The following TGM6 variants were observed in gnomAD, a reference collection of about 807,000 sequenced individuals.
TGM6 encodes the protein transglutaminase 6, also known as protein-glutamine gamma-glutamyltransferase 6.
A neutral mutation model predicts 77.5 loss-of-function variants in TGM6; 74 were observed. The ratio of observed to expected loss-of-function variants is 0.96; its 90% CI spans 0.79 to 1.16. The LOEUF (loss-of-function observed/expected upper bound fraction) is 1.16. Ranked by LOEUF, TGM6 falls within the 50% of genes most tolerant of loss-of-function variation. The pLI is 0.00. For missense variants in TGM6, 968 were observed against 940.2 expected (o/e 1.03, Z -0.39); for synonymous variants, 383 against 378.9 (o/e 1.01, Z -0.12).
chr20:2,414,939 G>C (rs928131970), intron 9 of TGM6, among the ~76,000 whole-genome samples: 1 of 140,764 alleles, frequency 7.1e-6, no homozygotes, highest in Non-Finnish European at 1.5e-5. Context: ...GAATTTGGGG[G>C]GGGGGGTGAA....
At position 2,404,789 on chromosome 20, in the gene TGM6, C is replaced by T. The variant is rs187755830; in HGVS notation, c.1336+966C>T. On this transcript the variant is annotated intron_variant, in intron 9 of 12. Transcript: ENST00000202625. ...CCAAGTAGCTGGGATTACAGGTGCCCGCCACCATGCCCAGCTAATTTTTGT... is the reference window on the plus strand; with the variant it reads ...CCAAGTAGCTGGGATTACAGGTGCCTGCCACCATGCCCAGCTAATTTTTGT... Among the ~76,000 whole-genome samples, 56 of 152,054 alleles carry T rather than the reference C, an allele frequency of 3.7e-4. No homozygotes were observed. The East Asian group carries it at 7.9e-3, about 21-fold the overall frequency.
intron 1 of TGM6, among the ~76,000 whole-genome samples, chr20:2,385,034 C>T (rs1048188439): frequency 1.3e-5 from 2 of 152,192 alleles, no homozygotes; most frequent in African/African-American, 2.4e-5. Context: ...TCTCCCATCC[C>T]CTCCATTGGG....
chr20:2,404,412 A>G (rs2084735931), intron 9 of TGM6, among the ~76,000 whole-genome samples: 2 of 152,210 alleles, frequency 1.3e-5, no homozygotes, highest in South Asian at 4.1e-4. Flanking sequence ...TAGCAATGTT[A>G]TGATCTGATT....
At chr20:2,417,594 T>C in intron 10 of TGM6, 21 bp downstream of exon 10, 1 of 1,586,918 alleles carries the variant, frequency 6.3e-7, no homozygotes, top group Non-Finnish European at 8.5e-7. Flanking sequence ...GCTGGCTTGG[T>C]GGAATCAGGC....
chr20:2,417,457 C>T lies in TGM6; in HGVS notation c.1562C>T (p.Thr521Ile). Residue 521 changes from threonine (T) to isoleucine (I), a missense_variant, in exon 10 of 13, where the codon ACC (threonine) becomes ATC (isoleucine). Physicochemically the swap from Thr to Ile is moderately conservative, Grantham distance 89. Coordinates refer to ENST00000202625, the MANE Select transcript of TGM6 (RefSeq NM_198994.3). ...LRLALCLANLTSRAQRVRVNL... is the reference protein window; with the variant it reads ...LRLALCLANLISRAQRVRVNL... The stretch of plus-strand genomic sequence containing the variant: ...CTGGCCCTGTGCTTGGCCAACCTCA[C>T]CTCCCGGGCCCAGCGGGTGAGGGTC... 3 of 1,611,376 alleles carry T rather than the reference C, an allele frequency of 1.9e-6. No homozygotes were observed. The highest frequency in any genetic ancestry group is 2.5e-6 in the Non-Finnish European group (3 of 1,179,956).
At chr20:2,413,132 C>A (rs1489727286) in intron 9 of TGM6, among the ~76,000 whole-genome samples, 2 of 152,182 alleles carry the variant, frequency 1.3e-5, no homozygotes, top group Non-Finnish European at 2.9e-5. Flanking sequence ...TTACTACAGC[C>A]AGGCATGGTG....
intron 1 of TGM6, among the ~76,000 whole-genome samples, chr20:2,383,251 G>C (rs566155778): frequency 6.6e-6 from 1 of 152,382 alleles, no homozygotes; most frequent in East Asian, 1.9e-4. Context: ...GGCTTCAACA[G>C]AGTTTCCAGG....
intron 7 of TGM6, among the ~76,000 whole-genome samples, chr20:2,402,224 A>G (rs2084715371): frequency 6.6e-6 from 1 of 152,182 alleles, no homozygotes; most frequent in Non-Finnish European, 1.5e-5. Flanking sequence ...CCTAGGTGAC[A>G]GAGCAAGACT....
chr20:2,394,936 G>T (rs1005006216), intron 2 of TGM6, among the ~76,000 whole-genome samples: 1 of 152,174 alleles, frequency 6.6e-6, no homozygotes, highest in African/African-American at 2.4e-5. Context: ...TTCCTTTCCT[G>T]GCCCGACATA....
At chr20:2,415,822 C>T (rs1209019529) in intron 9 of TGM6, among the ~76,000 whole-genome samples, 2 of 152,184 alleles carry the variant, frequency 1.3e-5, no homozygotes, top group East Asian at 1.9e-4. Flanking sequence ...ACCTGGGGGG[C>T]GCTGTCCAGT....
In TGM6 at chr20:2,382,335, C is replaced by T. The variant is rs983744643; in HGVS notation, c.7+1360C>T. 2.6e-5 allele frequency among the ~76,000 whole-genome samples: 4 copies of T among 152,288 alleles called. No homozygotes were observed. The East Asian group carries it at 7.7e-4, about 29-fold the overall frequency. Reference sequence around the variant, plus strand: ...CCTGTTTCCAGAGCTGGGGTTGCCTCCCTGATGGCCCTGGTGCAGAGGGGA... The same window carrying T: ...CCTGTTTCCAGAGCTGGGGTTGCCTTCCTGATGGCCCTGGTGCAGAGGGGA... On this transcript the variant is annotated intron_variant, in intron 1 of 12. Coordinates refer to ENST00000202625, the MANE Select transcript of TGM6 (RefSeq NM_198994.3).
intron 9 of TGM6, among the ~76,000 whole-genome samples, chr20:2,409,196 T>C (rs1044130520): frequency 2.0e-5 from 3 of 152,182 alleles, no homozygotes; most frequent in African/African-American, 7.2e-5. Context: ...ACATTTATAA[T>C]ATGTGAAAAT....
At chr20:2,386,956 T>C (rs980861396) in intron 1 of TGM6, among the ~76,000 whole-genome samples, 1 of 152,202 alleles carries the variant, frequency 6.6e-6, no homozygotes, top group Non-Finnish European at 1.5e-5. Flanking sequence ...GTCGTCTGCT[T>C]CTGACTCATC....
At chr20:2,405,604 G>A (rs1207017250) in intron 9 of TGM6, among the ~76,000 whole-genome samples, 1 of 152,218 alleles carries the variant, frequency 6.6e-6, no homozygotes, top group South Asian at 2.1e-4. Context: ...TATGCTTGCT[G>A]AGGACAGATG....
chr20:2,402,199 G>A (rs1002323978), intron 7 of TGM6, among the ~76,000 whole-genome samples: 1 of 152,078 alleles, frequency 6.6e-6, no homozygotes, highest in Non-Finnish European at 1.5e-5. Context: ...CCAAGATTGT[G>A]CCATTGCACT....
At chr20:2,423,578 C>T (rs1374662825) in intron 10 of TGM6, among the ~76,000 whole-genome samples, 1 of 152,136 alleles carries the variant, frequency 6.6e-6, no homozygotes, top group Non-Finnish European at 1.5e-5. Context: ...TCAGTGACTT[C>T]CTGCATTGAA....
At chr20:2,392,471 T>C (rs2084635591) in intron 1 of TGM6, among the ~76,000 whole-genome samples, 1 of 152,234 alleles carries the variant, frequency 6.6e-6, no homozygotes, top group African/African-American at 2.4e-5. Flanking sequence ...TGGACTCACC[T>C]ACTTAGGTGT....
In TGM6 at chr20:2,403,616, A is replaced by G; in HGVS notation, c.1129A>G (p.Ile377Val). The part of the protein sequence containing the change: ...FRCGPASVTA[I>V]REGDVHLAHD... Reference sequence around the variant, plus strand: ...GTGCGGCCCAGCCTCAGTCACCGCCATCCGCGAGGGTGATGTGCACCTGGC... The same window carrying G: ...GTGCGGCCCAGCCTCAGTCACCGCCGTCCGCGAGGGTGATGTGCACCTGGC... The change falls in exon 9 of 13, where the codon ATC (isoleucine) becomes GTC (valine). Residue 377 changes from isoleucine (I) to valine (V), a missense_variant. Physicochemically the swap from Ile to Val is conservative, Grantham distance 29. Transcript: ENST00000202625. The G allele has an allele frequency of 6.2e-7, 1 of 1,614,078 alleles. No homozygotes were observed. Among genetic ancestry groups the G allele is most frequent in the Non-Finnish European group, 8.5e-7 (1 of 1,180,022 alleles).
intron 1 of TGM6, among the ~76,000 whole-genome samples, chr20:2,388,857 C>A (rs774925671): frequency 2.0e-5 from 3 of 152,158 alleles, no homozygotes; most frequent in Non-Finnish European, 4.4e-5. Flanking sequence ...AAGATACAGC[C>A]AAGAGTTGCA....
Sources: allele counts gnomAD v4.1 joint callset (sites outside exome capture counted in the v4.1 genomes callset), GRCh38; gene constraint gnomAD v4.1.1; transcripts MANE v1.5; gene names NCBI Gene and HGNC (gene_info 2026-07-23, HGNC 2026-07-21).